ZDHHC9: variants seen among roughly 807,000 people sequenced by gnomAD.
ZDHHC9 encodes the protein palmitoyltransferase ZDHHC9.
ZDHHC9 carries 3 observed loss-of-function variants against 26.6 expected under a neutral mutation model. That is an observed-to-expected ratio of 0.11 (90% CI 0.05 to 0.29). The LOEUF is 0.29. Ranked by LOEUF, ZDHHC9 falls within the 10% of genes least tolerant of loss-of-function variation. ZDHHC9 has a pLI of 1.00. For synonymous variants in ZDHHC9, 111 were observed against 109.4 expected, an observed-to-expected ratio of 1.01 and a Z score of -0.09; for missense variants, 146 against 296.4, an observed-to-expected ratio of 0.49 and a Z score of 3.73.
intron 3 of ZDHHC9, among the ~76,000 whole-genome samples, chrX:129,840,084 G>T (rs1214737319): frequency 9.0e-6 from 1 of 111,009 alleles, no homozygotes; most frequent in African/African-American, 3.3e-5. Context: ...AGGCCTGCAG[G>T]GGCCTCAGTG....
intron 6 of ZDHHC9, 77 bp from the exon 7 acceptor site, chrX:129,813,802 C>G: frequency 1.1e-6 from 1 of 928,264 alleles, no homozygotes; most frequent in South Asian, 2.0e-5. Flanking sequence ...AGTGCCTACT[C>G]ACTTCCTTCC....
rs1230061986 is a variant in ZDHHC9 at position 129,841,783 on chromosome X, A to C, written c.163T>G (p.Phe55Val). ...CTCTACTCAACCGAAACTCACTCAA[A>C]GGCGAAGAAGAGTGTACATGTCCCC... is the stretch of plus-strand genomic sequence containing the variant. ...ILGTCTLFFAFECRYLAVQLS... is the reference protein window; with the variant it reads ...ILGTCTLFFAVECRYLAVQLS... Residue 55 changes from phenylalanine (F) to valine (V), a missense_variant, in exon 3 of 11, where the codon TTT becomes GTT. Phe to Val is a conservative substitution (Grantham distance 50). Transcript: ENST00000357166. The C allele has an allele frequency of 8.3e-7, 1 of 1,211,700 alleles. No individual in the cohort carries two copies. Among genetic ancestry groups the C allele is most frequent in the East Asian group, 3.0e-5 (1 of 33,844 alleles).
intron 10 of ZDHHC9, among the ~76,000 whole-genome samples, 197 bp from the exon 11 acceptor site, chrX:129,806,683 T>A (rs768530391): frequency 8.9e-6 from 1 of 112,131 alleles, no homozygotes; most frequent in East Asian, 2.8e-4. Flanking sequence ...TTTATTTGAG[T>A]TTGATCCTTA....
chrX:129,839,648 T>C (rs1439334919), intron 3 of ZDHHC9, among the ~76,000 whole-genome samples: 2 of 111,599 alleles, frequency 1.8e-5, no homozygotes, highest in Non-Finnish European at 3.8e-5. Context: ...CTGGTGTACC[T>C]TGTACAACCT....
chrX:129,831,647 T>A (rs1192152346), intron 3 of ZDHHC9, among the ~76,000 whole-genome samples: 3 of 111,690 alleles, frequency 2.7e-5, no homozygotes, highest in Non-Finnish European at 5.6e-5. Context: ...ATCCACTCTG[T>A]ATGTCAACAA....
chrX:129,837,621 C>T (rs12012183), intron 3 of ZDHHC9, among the ~76,000 whole-genome samples: 6,817 of 111,982 alleles, frequency 0.061, 507 homozygotes, highest in African/African-American at 0.21. Context: ...TGGGGACCAA[C>T]CTGACAGAAC....
At chrX:129,839,650 G>A (rs1004803153) in intron 3 of ZDHHC9, among the ~76,000 whole-genome samples, 1 of 111,538 alleles carries the variant, frequency 9.0e-6, no homozygotes, top group Non-Finnish European at 1.9e-5. Flanking sequence ...GGTGTACCTT[G>A]TACAACCTGT....
Position 129,806,050 on chromosome X carries a change from C to A in ZDHHC9, c.*320G>T, listed in dbSNP as rs1927507857. 1.4e-5 allele frequency: 4 copies of A among 283,329 alleles called. No individual in the cohort carries two copies. The South Asian group carries it at 1.8e-4, about 13-fold the overall frequency. 23.3% of individuals were successfully genotyped at this position (283,329 alleles called of 1,213,427 possible). ...CCAGAATGAGACCAGTGACCCCAAG[C>A]AGGAGGGCTGGGATCTGGAGGGAAG... On this transcript the variant is annotated 3_prime_UTR_variant, in exon 11 of 11. Transcript: ENST00000357166.
chrX:129,823,236 G>A (rs911279842), intron 5 of ZDHHC9: 5 of 141,078 alleles, frequency 3.5e-5, no homozygotes. Context: ...AAATCACTTA[G>A]CACAGTGCCC....
intron 5 of ZDHHC9, among the ~76,000 whole-genome samples, chrX:129,821,526 C>T (rs985730229): frequency 1.2e-4 from 13 of 108,424 alleles, no homozygotes; most frequent in Non-Finnish European, 2.3e-4. Flanking sequence ...CTCCTGACCT[C>T]GTGATCCTCC....
chrX:129,808,389 G>A (rs763232664), intron 10 of ZDHHC9, among the ~76,000 whole-genome samples: 19 of 112,233 alleles, frequency 1.7e-4, no homozygotes, highest in Non-Finnish European at 3.0e-4. Context: ...CAATACAATA[G>A]AACTGAAAGT....
chrX:129,812,074 T>C (rs922978463), intron 8 of ZDHHC9, among the ~76,000 whole-genome samples: 1 of 108,734 alleles, frequency 9.2e-6, no homozygotes, highest in African/African-American at 3.5e-5. Flanking sequence ...TGAATGTAGA[T>C]TAATTGCTAA....
intron 4 of ZDHHC9, among the ~76,000 whole-genome samples, chrX:129,824,368 C>A (rs746120017): frequency 9.0e-6 from 1 of 111,413 alleles, no homozygotes; most frequent in East Asian, 2.8e-4. Flanking sequence ...TGGCTCACTG[C>A]AATTTCTGCC....
intron 2 of ZDHHC9, among the ~76,000 whole-genome samples, 152 bp downstream of exon 2, chrX:129,843,107 G>C (rs1307078966): frequency 8.9e-6 from 1 of 112,386 alleles, no homozygotes; most frequent in Non-Finnish European, 1.9e-5. Flanking sequence ...CAGCCCGACG[G>C]ACGGAGGGAG....
At chrX:129,833,105 A>G (rs747049700) in intron 3 of ZDHHC9, among the ~76,000 whole-genome samples, 11 of 111,938 alleles carry the variant, frequency 9.8e-5, no homozygotes, top group African/African-American at 3.6e-4. Flanking sequence ...TATTCAAAGT[A>G]CCAAGAGGCC....
intron 5 of ZDHHC9, among the ~76,000 whole-genome samples, chrX:129,817,952 C>T (rs1180676959): frequency 9.0e-6 from 1 of 111,617 alleles, no homozygotes; most frequent in Admixed American, 9.6e-5. Flanking sequence ...GTTTTGAGTC[C>T]TTGTTGTCAA....
intron 5 of ZDHHC9, among the ~76,000 whole-genome samples, chrX:129,818,962 G>A (rs1299218553): frequency 9.1e-6 from 1 of 109,757 alleles, no homozygotes; most frequent in Non-Finnish European, 1.9e-5. Flanking sequence ...CACAAGGTCA[G>A]GAGATAGAGA....
rs1282019999 is a variant in ZDHHC9 at position 129,815,426 on chromosome X, AAAAAC to A, written c.488-636_488-632del. 1.1e-4 allele frequency among the ~76,000 whole-genome samples: 12 copies of A among 112,380 alleles called. No individual in the cohort carries two copies. In the Admixed American group the frequency reaches 1.1e-3, roughly 11 times the overall value. On this transcript the variant is annotated intron_variant, in intron 5 of 10. Coordinates refer to ENST00000357166, the MANE Select transcript of ZDHHC9 (RefSeq NM_016032.4). ...CCAGATGAATTAAAGAACTAAATGTAAAAACAAAGTGAATCCATAAAATAACTATA... is the reference window on the plus strand; with the variant it reads ...CCAGATGAATTAAAGAACTAAATGTAAAAGTGAATCCATAAAATAACTATA...
rs1214367929 is a variant in ZDHHC9 at position 129,803,696 on chromosome X, T to C, written c.*2674A>G. 1 of 111,455 alleles carries C rather than the reference T, an allele frequency of 9.0e-6. No individual in the cohort carries two copies. Among genetic ancestry groups the C allele is most frequent in the Non-Finnish European group, 1.9e-5 (1 of 53,102 alleles). 9.2% of individuals were successfully genotyped at this position (111,455 alleles called of 1,213,427 possible). On this transcript the variant is annotated 3_prime_UTR_variant, in exon 11 of 11. Transcript: ENST00000357166. ...GGGCCAGGAAGGCCTCAGAGCTGAA[T>C]GGACATGAAGAAATGGCTCACCACA...
Sources: allele counts gnomAD v4.1 joint callset (sites outside exome capture counted in the v4.1 genomes callset), GRCh38; gene constraint gnomAD v4.1.1; transcripts MANE v1.5; gene names NCBI Gene and HGNC (gene_info 2026-07-23, HGNC 2026-07-21).